Variants in MLIP observed in about 807,000 individuals in gnomAD.
MLIP encodes muscular LMNA interacting protein.
Under a neutral mutation model 84.8 loss-of-function variants are expected in MLIP, and 79 were observed. The ratio of observed to expected loss-of-function variants is 0.93; its 90% CI spans 0.78 to 1.12. MLIP has a LOEUF of 1.12. Ranked by LOEUF, MLIP falls within the 50% of genes most tolerant of loss-of-function variation. MLIP has a pLI of 0.00. For missense variants in MLIP, 1,257 were observed against 1,160.6 expected, an observed-to-expected ratio of 1.08 and a Z score of -1.21; for synonymous variants, 504 against 463.0, an observed-to-expected ratio of 1.09 and a Z score of -1.14.
intron 3 of MLIP, among the ~76,000 whole-genome samples, chr6:54,131,131 A>G (rs1183987599): frequency 6.6e-6 from 1 of 152,194 alleles, no homozygotes; most frequent in Non-Finnish European, 1.5e-5. Context: ...ACAATAGCTT[A>G]CCACAAATGT....
At chr6:54,145,347 A>G (rs1772691205) in intron 4 of MLIP, among the ~76,000 whole-genome samples, 1 of 152,208 alleles carries the variant, frequency 6.6e-6, no homozygotes, top group Non-Finnish European at 1.5e-5. Flanking sequence ...CATATTGTTA[A>G]GAGAACCCAG....
chr6:54,172,190 C>T (rs577733035), intron 9 of MLIP, among the ~76,000 whole-genome samples: 6 of 151,744 alleles, frequency 4.0e-5, no homozygotes, highest in African/African-American at 1.4e-4. Flanking sequence ...CTGATTACTA[C>T]ACGTTGTATG....
At chr6:54,144,316 A>G (rs1273457421) in intron 4 of MLIP, among the ~76,000 whole-genome samples, 4 of 152,154 alleles carry the variant, frequency 2.6e-5, no homozygotes, top group Admixed American at 2.6e-4. Context: ...CTTCTGGAAG[A>G]AGTTGGACAT....
intron 12 of MLIP, among the ~76,000 whole-genome samples, chr6:54,246,797 ATCT>A (rs1782115810): frequency 1.3e-5 from 2 of 152,160 alleles, no homozygotes; most frequent in Admixed American, 1.3e-4. Flanking sequence ...TGATATCTGT[ATCT>A]TCTTCTAGTA....
intron 12 of MLIP, among the ~76,000 whole-genome samples, chr6:54,240,283 G>A (rs1781647665): frequency 6.6e-6 from 1 of 152,132 alleles, no homozygotes; most frequent in African/African-American, 2.4e-5. Flanking sequence ...GTGCTGGAGT[G>A]AAGAAACAAT....
At chr6:54,089,154 T>C (rs1420787812) in intron 1 of MLIP, among the ~76,000 whole-genome samples, 1 of 152,168 alleles carries the variant, frequency 6.6e-6, no homozygotes, top group Non-Finnish European at 1.5e-5. Context: ...AATTGATAAA[T>C]TGATTCAGGA....
chr6:54,238,445 C>T (rs755901592), intron 12 of MLIP, among the ~76,000 whole-genome samples: 1 of 152,198 alleles, frequency 6.6e-6, no homozygotes. Flanking sequence ...GCACTTTGTT[C>T]TCTTCTTATT....
At chr6:54,053,908 A>G (rs868368313) in intron 1 of MLIP, among the ~76,000 whole-genome samples, 1 of 152,340 alleles carries the variant, frequency 6.6e-6, no homozygotes, top group South Asian at 2.1e-4. Flanking sequence ...AGCATGGACA[A>G]GTACTCTCAG....
At chr6:54,056,632 C>T (rs1191568968) in intron 1 of MLIP, among the ~76,000 whole-genome samples, 25 of 152,180 alleles carry the variant, frequency 1.6e-4, no homozygotes. Flanking sequence ...CCCCAATCTT[C>T]TATATGCAGA....
chr6:54,201,739 C>G (rs1439047777), intron 10 of MLIP, among the ~76,000 whole-genome samples: 1 of 152,090 alleles, frequency 6.6e-6, no homozygotes, highest in African/African-American at 2.4e-5. Flanking sequence ...GTGGATATAC[C>G]AAAGTCATCT....
chr6:54,149,764 G>T (rs540651398), intron 5 of MLIP, among the ~76,000 whole-genome samples: 1 of 152,154 alleles, frequency 6.6e-6, no homozygotes, highest in Admixed American at 6.6e-5. Context: ...TTTTTGCTTT[G>T]CTATTAAGGG....
intron 1 of MLIP, among the ~76,000 whole-genome samples, chr6:54,105,267 T>C (rs1768927867): frequency 6.6e-6 from 1 of 152,140 alleles, no homozygotes; most frequent in African/African-American, 2.4e-5. Flanking sequence ...TGCGTCCTGC[T>C]CCTTTCTTTA....
chr6:54,224,754 G>C (rs1036648729), intron 11 of MLIP, among the ~76,000 whole-genome samples: 1 of 150,916 alleles, frequency 6.6e-6, no homozygotes, highest in African/African-American at 2.4e-5. Flanking sequence ...TTCCCCCCAA[G>C]TCCCCAAAGT....
chr6:54,108,060 G>T (rs1192448891), upstream of MLIP, among the ~76,000 whole-genome samples: 1 of 152,120 alleles, frequency 6.6e-6, no homozygotes, highest in East Asian at 1.9e-4. Context: ...TCAGCTGAAA[G>T]GTATTGCAGT....
chr6:54,099,212 T>TAAATTC (rs1157975266), intron 1 of MLIP, among the ~76,000 whole-genome samples: 5 of 152,180 alleles, frequency 3.3e-5, no homozygotes, highest in African/African-American at 1.2e-4. Flanking sequence ...AAAAATAATT[T>TAAATTC]AAATTCAATT....
intron 5 of MLIP, among the ~76,000 whole-genome samples, chr6:54,153,846 A>G (rs929195072): frequency 1.1e-5 from 1 of 89,852 alleles, no homozygotes; most frequent in Non-Finnish European, 2.2e-5. Context: ...AGTGAGACTC[A>G]GTCTCAAAAA....
At position 54,217,195 on chromosome 6, in the gene MLIP, G is replaced by T. The variant is rs967842765; in HGVS notation, c.2719-13519G>T. The T allele has an allele frequency of 4.1e-6, 4 of 985,396 alleles. No homozygotes were observed. The South Asian group carries it at 1.4e-4, about 35-fold the overall frequency. The allele number at this position is 985,396 out of a possible 1,614,324, so 61.0% of individuals were successfully genotyped here. On this transcript the variant is annotated intron_variant, in intron 11 of 13. Coordinates refer to ENST00000502396, the MANE Select transcript of MLIP (RefSeq NM_001281747.2). ...TTGTACTCAGACAGAAAACCGCAGCGTGAAGAGGGGACAGCATGAGTGAAG... is the reference window on the plus strand; with the variant it reads ...TTGTACTCAGACAGAAAACCGCAGCTTGAAGAGGGGACAGCATGAGTGAAG...
intron 8 of MLIP, among the ~76,000 whole-genome samples, chr6:54,166,441 C>A (rs1272531376): frequency 6.6e-6 from 1 of 151,738 alleles, no homozygotes; most frequent in Non-Finnish European, 1.5e-5. Context: ...TCCTGAAGTC[C>A]TCTGCATTGC....
At chr6:54,028,357 G>A (rs887531699) in intron 1 of MLIP, among the ~76,000 whole-genome samples, 4 of 152,006 alleles carry the variant, frequency 2.6e-5, no homozygotes, top group East Asian at 1.9e-4. Context: ...AGACCACCTC[G>A]TGATTTTAAA....
Sources: allele counts gnomAD v4.1 joint callset (sites outside exome capture counted in the v4.1 genomes callset), GRCh38; gene constraint gnomAD v4.1.1; transcripts MANE v1.5; gene names NCBI Gene and HGNC (gene_info 2026-07-23, HGNC 2026-07-21).